Variants in DLG5 observed in about 807,000 individuals in gnomAD.
The protein encoded by DLG5 is discs large MAGUK scaffold protein 5, also known as disks large homolog 5.
A neutral mutation model predicts 189.8 loss-of-function variants in DLG5; 48 were observed. The observed-to-expected ratio is 0.25, with a 90% CI of 0.20 to 0.32. The LOEUF is 0.32. Among genes scored for constraint, DLG5 ranks in the 10% least tolerant of loss-of-function variants. The pLI, the probability that DLG5 is intolerant of heterozygous loss-of-function variation, is 1.00. For missense variants in DLG5, 2,160 were observed against 2,544.7 expected, an observed-to-expected ratio of 0.85 and a Z score of 3.25; for synonymous variants, 1,016 against 1,054.1, an observed-to-expected ratio of 0.96 and a Z score of 0.70.
intron 14 of DLG5, among the ~76,000 whole-genome samples, chr10:77,822,398 C>T (rs568419322): frequency 2.6e-5 from 4 of 152,326 alleles, no homozygotes; most frequent in South Asian, 2.1e-4. Context: ...GTAATCCCAG[C>T]GCTTTGGTAG....
intron 2 of DLG5, among the ~76,000 whole-genome samples, chr10:77,866,152 G>C (rs1025141750): frequency 2.0e-5 from 3 of 152,166 alleles, no homozygotes; most frequent in African/African-American, 7.2e-5. Context: ...TGAGCCAGCA[G>C]GAACTCCCTG....
At chr10:77,804,766 G>T (rs1360954225) in intron 27 of DLG5, among the ~76,000 whole-genome samples, 1 of 152,188 alleles carries the variant, frequency 6.6e-6, no homozygotes, top group African/African-American at 2.4e-5. Context: ...ATGAACACAG[G>T]ACTGAGGCCA....
At chr10:77,908,255 C>T (rs921160936) in intron 1 of DLG5, among the ~76,000 whole-genome samples, 6 of 152,176 alleles carry the variant, frequency 3.9e-5, no homozygotes, top group East Asian at 3.9e-4. Context: ...CTGGGGAGAA[C>T]GCTGGCTTTC....
At chr10:77,833,484 T>C (rs943753816) in intron 9 of DLG5, among the ~76,000 whole-genome samples, 1 of 152,220 alleles carries the variant, frequency 6.6e-6, no homozygotes, top group Non-Finnish European at 1.5e-5. Context: ...GTCAGTGCCA[T>C]TTCTCCAGTG....
At chr10:77,816,447 CCTG>C (rs2154575457) in intron 20 of DLG5, 101 bp downstream of exon 20, 1 of 1,544,302 alleles carries the variant, frequency 6.5e-7, no homozygotes, top group Non-Finnish European at 8.9e-7. Flanking sequence ...TCAAGCTACT[CCTG>C]CTGCTTCTAC....
Position 77,830,141 on chromosome 10 carries a change from C to T in DLG5, c.2009+76G>A, listed in dbSNP as rs1842830034. The T allele has an allele frequency of 3.6e-5, 57 of 1,587,068 alleles. No homozygotes were observed. The South Asian group carries it at 4.2e-4, about 12-fold the overall frequency. On this transcript the variant is annotated intron_variant, in intron 11 of 31. Transcript: ENST00000372391. ...CTGGGAAACGTTCACCTAAGTGCTA[C>T]CTGGCTCTCTTCGGGTCCTCTGCAC...
chr10:77,841,781 A>G (rs1458065185), intron 7 of DLG5, 100 bp downstream of exon 7: 1 of 1,396,580 alleles, frequency 7.2e-7, no homozygotes, highest in African/African-American at 1.4e-5. Flanking sequence ...ATTTACTCCA[A>G]CTCAGGAGGC....
chr10:77,914,715 C>G (rs1245334940), intron 1 of DLG5, among the ~76,000 whole-genome samples: 4 of 152,096 alleles, frequency 2.6e-5, no homozygotes, highest in Admixed American at 6.6e-5. Context: ...TTCCCCACCT[C>G]CTAGCCCAGA....
At chr10:77,907,253 T>A (rs1173187920) in intron 1 of DLG5, among the ~76,000 whole-genome samples, 4 of 152,090 alleles carry the variant, frequency 2.6e-5, no homozygotes, top group African/African-American at 9.7e-5. Context: ...CTATGCCACT[T>A]AAACAGCCAT....
intron 20 of DLG5, among the ~76,000 whole-genome samples, chr10:77,816,333 T>C (rs1555547009): frequency 6.6e-6 from 1 of 152,240 alleles, no homozygotes; most frequent in Non-Finnish European, 1.5e-5. Flanking sequence ...CATCATCTAC[T>C]GTGAGCCCTC....
At chr10:77,816,964 C>T (rs1441424000) in intron 19 of DLG5, 43 bp downstream of exon 19, 8 of 1,594,386 alleles carry the variant, frequency 5.0e-6, no homozygotes, top group African/African-American at 2.7e-5. Context: ...GGAGTCAGAC[C>T]GCAGGAAAAG....
intron 20 of DLG5, among the ~76,000 whole-genome samples, chr10:77,815,680 T>C (rs545024920): frequency 7.9e-5 from 12 of 152,212 alleles, no homozygotes; most frequent in African/African-American, 1.9e-4. Context: ...ATATGTTTTC[T>C]TAACATAGGG....
chr10:77,821,099 G>T lies in DLG5; in HGVS notation c.3385C>A (p.Pro1129Thr). 6.2e-7 allele frequency: 1 copy of T among 1,612,696 alleles called. No individual in the cohort carries two copies. The highest frequency in any genetic ancestry group is 8.5e-7 in the Non-Finnish European group (1 of 1,179,384). ...FRPKLAPVVI[P>T]AQFLEEQKCV... Reference sequence around the variant, plus strand: ...AGCTATACCTCCAGGAACTGAGCAGGAATCACTACTGGAGCAAGCTTCGGC... The same window carrying T: ...AGCTATACCTCCAGGAACTGAGCAGTAATCACTACTGGAGCAAGCTTCGGC... The change falls in exon 15 of 32, where the codon CCT (proline) becomes ACT (threonine). Residue 1129 changes from proline (P) to threonine (T), a missense_variant. By Grantham distance (38) the Pro-to-Thr change is conservative. This residue lies in a region of DLG5 where 754 missense variants were observed against 746.5 expected (regional missense o/e 1.01). Coordinates refer to ENST00000372391, the MANE Select transcript of DLG5 (RefSeq NM_004747.4).
the DLG5 span, among the ~76,000 whole-genome samples, chr10:77,934,162 G>A: frequency 6.6e-6 from 1 of 152,060 alleles, no homozygotes; most frequent in Non-Finnish European, 1.5e-5. Flanking sequence ...CCCGAGGTCA[G>A]GAATTTGAGA....
At chr10:77,819,631 T>C (rs1842236232) in intron 16 of DLG5, 166 bp from the exon 17 acceptor site, 1 of 1,072,684 alleles carries the variant, frequency 9.3e-7, no homozygotes, top group Admixed American at 2.9e-5. Flanking sequence ...GCTCCTGGCC[T>C]GTCTCCATTT....
intron 1 of DLG5, among the ~76,000 whole-genome samples, chr10:77,891,371 T>C (rs980726687): frequency 1.3e-5 from 2 of 152,208 alleles, no homozygotes; most frequent in African/African-American, 4.8e-5. Flanking sequence ...AAACTGCAGA[T>C]GTGGTCCTGC....
At chr10:77,803,211 G>GA (rs1171447905) in intron 27 of DLG5, among the ~76,000 whole-genome samples, 1 of 152,148 alleles carries the variant, frequency 6.6e-6, no homozygotes, top group African/African-American at 2.4e-5. Flanking sequence ...AGAATGAATA[G>GA]AAAACAAACA....
intron 15 of DLG5, 158 bp from the exon 16 acceptor site, chr10:77,820,176 T>C (rs1486625898): frequency 1.2e-5 from 12 of 990,474 alleles, no homozygotes; most frequent in Non-Finnish European, 1.7e-5. Flanking sequence ...CGAAATCCCG[T>C]CTCTACCAAA....
At position 77,805,762 on chromosome 10, in the gene DLG5, A is replaced by G; in HGVS notation, c.5067T>C (p.Phe1689=). The G allele has an allele frequency of 6.8e-6, 11 of 1,614,146 alleles. No individual in the cohort carries two copies. Among genetic ancestry groups the G allele is most frequent in the Non-Finnish European group, 9.3e-6 (11 of 1,180,020 alleles). Residue 1689 remains phenylalanine (F), a synonymous_variant, in exon 27 of 32, where the codon TTT becomes TTC. Coordinates refer to ENST00000372391, the MANE Select transcript of DLG5 (RefSeq NM_004747.4). The part of the protein sequence containing the change: ...TLSAAARRSF[F]RRKHKHKRSG... ...TGCGTTTGTGCTTGTGTTTCCTCCG[A>G]AAAAAGGACCGGCGTGCAGCCGCTG...
Sources: gnomAD v4.1 joint callset for allele counts (sites outside exome capture counted in the v4.1 genomes callset) on GRCh38, gnomAD v4.1.1 for gene constraint, gnomAD v4.1.1 regional missense constraint, MANE v1.5 for transcripts, NCBI Gene and HGNC (gene_info 2026-07-23, HGNC 2026-07-21) for gene names.